Variants in HSPBAP1 observed in about 807,000 individuals in gnomAD.
HSPBAP1 encodes the protein HSPB1 associated protein 1, also known as HSPB1-associated protein 1.
A neutral mutation model predicts 45.2 loss-of-function variants in HSPBAP1; 27 were observed. That is an observed-to-expected ratio of 0.60 (90% CI 0.44 to 0.82). The LOEUF (loss-of-function observed/expected upper bound fraction) is 0.82. HSPBAP1 is among the 40% of genes least tolerant of loss of function. The probability of loss-of-function intolerance (pLI) is 0.00; values close to 1 mark genes in which losing one functional copy is unlikely to be tolerated. For synonymous variants in HSPBAP1, 204 were observed against 202.7 expected (o/e 1.01, Z -0.06); for missense variants, 510 against 590.9 (o/e 0.86, Z 1.42).
At chr3:122,760,993 G>C (rs1934561813) in intron 3 of HSPBAP1, among the ~76,000 whole-genome samples, 1 of 152,124 alleles carries the variant, frequency 6.6e-6, no homozygotes, top group African/African-American at 2.4e-5. Context: ...CTTTCAATAT[G>C]ATGTAACAAG....
In HSPBAP1 at chr3:122,780,228, C is replaced by A. The variant is rs1171091684; in HGVS notation, c.65-2322G>T. Among the ~76,000 whole-genome samples the A allele has an allele frequency of 3.5e-4, 18 of 51,508 alleles. 1 individual carries two copies. The highest frequency in any genetic ancestry group is 1.2e-3 in the African/African-American group (18 of 15,340). 33.8% of individuals were successfully genotyped at this position (51,508 alleles called of 152,430 possible). A position where few individuals can be genotyped will look rare whatever the true frequency, so the allele number is the denominator to read the frequency against. ...CTCCCGGACGGGGCGGCTGGCCGGG[C>A]GGGGGGCTGACCCCCCCACCTCCCT... is the stretch of plus-strand genomic sequence containing the variant. On this transcript the variant is annotated intron_variant, in intron 1 of 7. Coordinates refer to ENST00000306103, the MANE Select transcript of HSPBAP1 (RefSeq NM_024610.6).
chr3:122,777,950 G>C (rs1311451892), intron 1 of HSPBAP1, 44 bp from the exon 2 acceptor site: 1 of 1,342,116 alleles, frequency 7.5e-7, no homozygotes, highest in South Asian at 1.3e-5. Flanking sequence ...AAACTATCAA[G>C]TTTTTTCATA....
intron 6 of HSPBAP1, among the ~76,000 whole-genome samples, chr3:122,748,706 T>C (rs190170766): frequency 2.0e-5 from 3 of 152,300 alleles, no homozygotes; most frequent in Admixed American, 6.5e-5. Context: ...TAAAGATACA[T>C]TTACCCTATG....
intron 1 of HSPBAP1, among the ~76,000 whole-genome samples, chr3:122,780,411 C>A (rs1388683216): frequency 1.0e-5 from 1 of 97,202 alleles, no homozygotes; most frequent in Admixed American, 1.1e-4. Flanking sequence ...CTGGACGGGG[C>A]GGCTGGCCGG....
intron 2 of HSPBAP1, among the ~76,000 whole-genome samples, chr3:122,774,933 G>A (rs1016632302): frequency 1.3e-5 from 2 of 152,168 alleles, no homozygotes. Flanking sequence ...CAATCCTAAG[G>A]AAGTAATCAG....
intron 1 of HSPBAP1, among the ~76,000 whole-genome samples, chr3:122,779,336 C>T (rs1277273451): frequency 6.6e-6 from 1 of 151,616 alleles, no homozygotes; most frequent in African/African-American, 2.4e-5. Flanking sequence ...CCACCGCACC[C>T]GGCCACATAG....
In HSPBAP1 at chr3:122,793,605, C is replaced by A. The variant is rs753057722; in HGVS notation, c.64+12G>T. The A allele has an allele frequency of 1.2e-5, 19 of 1,613,370 alleles. No individual in the cohort carries two copies. In the South Asian group the frequency reaches 1.2e-4, roughly 10 times the overall value. ...GTTTGTACTCAGGGTCGGACCTCAG[C>A]CTGGCACCTACCTTCCTCCCCTCCA... is the stretch of plus-strand genomic sequence containing the variant. On this transcript the variant is annotated intron_variant, in intron 1 of 7. Coordinates refer to ENST00000306103, the MANE Select transcript of HSPBAP1 (RefSeq NM_024610.6).
intron 3 of HSPBAP1, among the ~76,000 whole-genome samples, chr3:122,764,514 T>C (rs1046565509): frequency 2.6e-5 from 4 of 152,222 alleles, no homozygotes; most frequent in African/African-American, 9.7e-5. Context: ...ATGAAAAATA[T>C]GTACATTGAT....
intron 6 of HSPBAP1, among the ~76,000 whole-genome samples, chr3:122,744,949 T>C (rs987240265): frequency 2.0e-5 from 3 of 152,162 alleles, no homozygotes; most frequent in Non-Finnish European, 2.9e-5. Flanking sequence ...AAGAATATTA[T>C]GTAATCATCT....
At chr3:122,749,392 G>T (rs1303911830) in intron 6 of HSPBAP1, among the ~76,000 whole-genome samples, 2 of 151,920 alleles carry the variant, frequency 1.3e-5, no homozygotes, top group South Asian at 2.1e-4. Context: ...AAAACAAACT[G>T]AAACAAATGA....
chr3:122,744,544 G>A (rs1400974089), intron 6 of HSPBAP1, among the ~76,000 whole-genome samples: 1 of 152,182 alleles, frequency 6.6e-6, no homozygotes, highest in Non-Finnish European at 1.5e-5. Flanking sequence ...AACATTGAAT[G>A]GCCTTCAAAC....
At chr3:122,769,722 C>T (rs1040276173) in intron 2 of HSPBAP1, among the ~76,000 whole-genome samples, 7 of 152,230 alleles carry the variant, frequency 4.6e-5, no homozygotes, top group African/African-American at 1.7e-4. Flanking sequence ...GCTCATCATA[C>T]AGGCTGGAGT....
chr3:122,781,056 T>G (rs1015420374), intron 1 of HSPBAP1, among the ~76,000 whole-genome samples: 1 of 147,628 alleles, frequency 6.8e-6, no homozygotes, highest in Non-Finnish European at 1.5e-5. Context: ...GCAGAGAAGC[T>G]CCTCACTTTC....
chr3:122,772,113 A>C lies in HSPBAP1; in HGVS notation c.251-3231T>G, dbSNP rs189642595. Among the ~76,000 whole-genome samples the C allele has an allele frequency of 7.5e-4, 115 of 152,362 alleles. 1 individual carries two copies. In the East Asian group the frequency reaches 0.019, roughly 26 times the overall value. On this transcript the variant is annotated intron_variant, in intron 2 of 7. Transcript: ENST00000306103. Reference sequence around the variant, plus strand: ...TAATAAATTTACAATATTTTAAGGAATCTGTAGACCTATATAAAAACTATA... The same window carrying C: ...TAATAAATTTACAATATTTTAAGGACTCTGTAGACCTATATAAAAACTATA...
intron 1 of HSPBAP1, among the ~76,000 whole-genome samples, chr3:122,789,750 T>G (rs1306614794): frequency 1.3e-5 from 2 of 152,214 alleles, no homozygotes; most frequent in East Asian, 3.8e-4. Flanking sequence ...CCAAGGTGAT[T>G]AGTTCCACGA....
intron 2 of HSPBAP1, among the ~76,000 whole-genome samples, chr3:122,773,412 C>T (rs895072258): frequency 4.8e-5 from 7 of 146,226 alleles, no homozygotes; most frequent in East Asian, 2.0e-4. Flanking sequence ...GGGGTTCAAG[C>T]GAGTCTCACG....
At position 122,793,710 on chromosome 3, in the gene HSPBAP1, C is replaced by T; in HGVS notation, c.-30G>A. 4 of 1,611,510 alleles carry T rather than the reference C, an allele frequency of 2.5e-6. No homozygotes were observed. Among genetic ancestry groups the T allele is most frequent in the Non-Finnish European group, 3.4e-6 (4 of 1,178,292 alleles). On this transcript the variant is annotated 5_prime_UTR_variant, in exon 1 of 8. Transcript: ENST00000306103. ...ACCGCAAGGCGGGTTCTGCCGGAACCCAAGGCGGAGCGGAGCTGGGGTGGG... is the reference window on the plus strand; with the variant it reads ...ACCGCAAGGCGGGTTCTGCCGGAACTCAAGGCGGAGCGGAGCTGGGGTGGG...
chr3:122,744,941 GAAT>G (rs139733165), intron 6 of HSPBAP1, among the ~76,000 whole-genome samples: 11,301 of 151,972 alleles, frequency 0.074, 620 homozygotes, highest in African/African-American at 0.15. Flanking sequence ...TACTAAAGAA[GAAT>G]ATTATGTAAT....
chr3:122,778,576 C>CTGGA (rs1935277068), intron 1 of HSPBAP1, among the ~76,000 whole-genome samples: 1 of 149,072 alleles, frequency 6.7e-6, no homozygotes, highest in Non-Finnish European at 1.5e-5. Context: ...GGCTAGAGTG[C>CTGGA]TGGAGTGCAG....
Sources: allele counts gnomAD v4.1 joint callset (sites outside exome capture counted in the v4.1 genomes callset), GRCh38; gene constraint gnomAD v4.1.1; transcripts MANE v1.5; gene names NCBI Gene and HGNC (gene_info 2026-07-23, HGNC 2026-07-21).